Variants in BACE2 observed in about 807,000 individuals in gnomAD.
BACE2 encodes the protein 56 kDa aspartic-like protease.
BACE2 carries 17 observed loss-of-function variants against 46.2 expected under a neutral mutation model. The observed-to-expected ratio is 0.37, with a 90% confidence interval of 0.25 to 0.55. The LOEUF is 0.55. BACE2 is among the 20% of genes least tolerant of loss of function. BACE2 has a pLI of 0.82. For missense variants in BACE2, 595 were observed against 698.1 expected, an observed-to-expected ratio of 0.85 and a Z score of 1.66; for synonymous variants, 277 against 295.9, an observed-to-expected ratio of 0.94 and a Z score of 0.66.
chr21:41,179,131 T>TGG, intron 1 of BACE2: 2 of 1,133,586 alleles, frequency 1.8e-6, no homozygotes, highest in Non-Finnish European at 2.2e-6. Flanking sequence ...GGAGTGAGGG[T>TGG]GTCAGGGTGA....
chr21:41,191,954 A>G (rs1029606874), intron 1 of BACE2, among the ~76,000 whole-genome samples: 7 of 152,096 alleles, frequency 4.6e-5, no homozygotes, highest in Non-Finnish European at 7.3e-5. Flanking sequence ...CAATTTTCCA[A>G]TCATGCTTCT....
rs370975038 is a variant in BACE2, at chr21:41,246,092, C to T, written c.984+29C>T. On this transcript the variant is annotated intron_variant, in intron 6 of 8. Transcript: ENST00000330333. ...AGTCCTCGGGACACTCACGGGTCCCCGAGTTGCTGAGTTACAGTCACCTGC... is the reference window on the plus strand; with the variant it reads ...AGTCCTCGGGACACTCACGGGTCCCTGAGTTGCTGAGTTACAGTCACCTGC... 1.6e-4 allele frequency: 243 copies of T among 1,549,342 alleles called. 2 individuals are homozygous for T. In the African/African-American group the frequency reaches 2.2e-3, roughly 14 times the overall value.
intron 1 of BACE2, among the ~76,000 whole-genome samples, chr21:41,190,617 T>A (rs1232864853): frequency 6.6e-6 from 1 of 152,198 alleles, no homozygotes; most frequent in Admixed American, 6.5e-5. Flanking sequence ...CCTTGGCAGG[T>A]TGTGATTTTT....
At chr21:41,229,241 C>G (rs933279578) in intron 2 of BACE2, among the ~76,000 whole-genome samples, 6 of 152,212 alleles carry the variant, frequency 3.9e-5, no homozygotes, top group Non-Finnish European at 7.3e-5. Context: ...CACTGGGGCT[C>G]AGCACACAGG....
At chr21:41,184,858 A>G (rs1040030127) in intron 1 of BACE2, 8 of 167,012 alleles carry the variant, frequency 4.8e-5, no homozygotes, top group African/African-American at 1.9e-4. Flanking sequence ...GCCTGTACAT[A>G]AGGGATCTCT....
intron 1 of BACE2, 127 bp downstream of exon 1, chr21:41,168,702 G>T: frequency 1.7e-4 from 70 of 419,954 alleles, no homozygotes; most frequent in Middle Eastern, 8.6e-4. Context: ...GAAGAGCGGG[G>T]AACGCAGAGG....
chr21:41,180,511 C>T (rs1002086630), intron 1 of BACE2: 2 of 167,270 alleles, frequency 1.2e-5, no homozygotes, highest in Non-Finnish European at 2.9e-5. Context: ...TTTCATTCTC[C>T]GTGTCAGTGG....
In BACE2 at chr21:41,168,436, A is replaced by C; in HGVS notation, c.173A>C (p.Asp58Ala). The C allele has an allele frequency of 2.9e-6, 4 of 1,393,358 alleles. No homozygotes were observed. Among genetic ancestry groups the C allele is most frequent in the Non-Finnish European group, 3.7e-6 (4 of 1,071,576 alleles). The allele number at this position is 1,393,358 out of a possible 1,614,324, so 86.3% of individuals were successfully genotyped here. Reference protein sequence around the residue: ...GPGTPAERHADGLALALEPAL... With the variant: ...GPGTPAERHAAGLALALEPAL... ...GGGACCCCTGCCGAGCGCCACGCCG[A>C]CGGCTTGGCGCTCGCCCTGGAGCCT... Residue 58 changes from aspartate to alanine, a missense_variant, in exon 1 of 9, where the codon GAC becomes GCC. Around this residue, in one of 3 missense-constraint regions of BACE2, gnomAD observed 248 missense variants for 261.4 expected, o/e 0.95. Coordinates refer to ENST00000330333, the MANE Select transcript of BACE2 (RefSeq NM_012105.5).
At chr21:41,207,741 G>A (rs1986174146) in intron 1 of BACE2, among the ~76,000 whole-genome samples, 1 of 152,220 alleles carries the variant, frequency 6.6e-6, no homozygotes, top group Non-Finnish European at 1.5e-5. Flanking sequence ...CTGGCCTCCA[G>A]CCCACATCTG....
chr21:41,194,503 C>G (rs1985676160), intron 1 of BACE2, among the ~76,000 whole-genome samples: 2 of 152,168 alleles, frequency 1.3e-5, no homozygotes, highest in African/African-American at 4.8e-5. Flanking sequence ...TCCTGGGGGA[C>G]TTTAGGGAAA....
At chr21:41,171,159 T>G (rs1984594756) in intron 1 of BACE2, among the ~76,000 whole-genome samples, 1 of 152,196 alleles carries the variant, frequency 6.6e-6, no homozygotes. Context: ...CACCCCAAGG[T>G]GTTAGGGACT....
At chr21:41,199,900 A>C (rs1387137848) in intron 1 of BACE2, among the ~76,000 whole-genome samples, 1 of 152,034 alleles carries the variant, frequency 6.6e-6, no homozygotes, top group African/African-American at 2.4e-5. Context: ...GAGTGAGAAC[A>C]TGCGGTGTTT....
intron 8 of BACE2, among the ~76,000 whole-genome samples, chr21:41,268,648 TG>T: frequency 6.6e-6 from 1 of 152,200 alleles, no homozygotes; most frequent in Non-Finnish European, 1.5e-5. Context: ...GAGGCTGAGG[TG>T]GTGGGAGGAT....
chr21:41,230,811 A>T (rs1383683261), intron 2 of BACE2, among the ~76,000 whole-genome samples: 1 of 152,140 alleles, frequency 6.6e-6, no homozygotes, highest in Non-Finnish European at 1.5e-5. Context: ...TGTTCCAATG[A>T]GTTACTATAG....
At chr21:41,172,962 G>T (rs369590245) in intron 1 of BACE2, among the ~76,000 whole-genome samples, 1 of 152,190 alleles carries the variant, frequency 6.6e-6, no homozygotes, top group South Asian at 2.1e-4. Context: ...ACCCTTGGCC[G>T]CATGACTCCA....
intron 2 of BACE2, among the ~76,000 whole-genome samples, chr21:41,236,291 C>T (rs1568880311): frequency 2.0e-5 from 3 of 152,188 alleles, no homozygotes; most frequent in Admixed American, 6.5e-5. Flanking sequence ...TGTCTTCATT[C>T]AGGTCTCATG....
intron 6 of BACE2, 143 bp from the exon 7 acceptor site, chr21:41,250,609 G>T: frequency 1.4e-6 from 1 of 704,694 alleles, no homozygotes; most frequent in Middle Eastern, 4.1e-4. Flanking sequence ...TCTTCCAGGG[G>T]ACTAATGTCC....
At position 41,276,981 on chromosome 21, in the gene BACE2, C is replaced by T. The variant is rs910199428; in HGVS notation, c.*1357C>T. The T allele has an allele frequency of 2.0e-5, 3 of 152,088 alleles. No individual in the cohort carries two copies. Among genetic ancestry groups the T allele is most frequent in the African/African-American group, 7.2e-5 (3 of 41,408 alleles). The allele number at this position is 152,088 out of a possible 1,614,324, so 9.4% of individuals were successfully genotyped here. ...TGCCAAAGAAAAGTGGAAGCCGTTTCCTTGACATAGCCTTATATGACCTGA... is the reference window on the plus strand; with the variant it reads ...TGCCAAAGAAAAGTGGAAGCCGTTTTCTTGACATAGCCTTATATGACCTGA... On this transcript the variant is annotated 3_prime_UTR_variant, in exon 9 of 9. Transcript: ENST00000330333.
At chr21:41,268,250 G>A (rs957818021) in intron 8 of BACE2, among the ~76,000 whole-genome samples, 1 of 152,130 alleles carries the variant, frequency 6.6e-6, no homozygotes, top group Admixed American at 6.6e-5. Flanking sequence ...AAGTAACTTG[G>A]CCCAGATCAC....
Sources: allele counts gnomAD v4.1 joint callset (sites outside exome capture counted in the v4.1 genomes callset), GRCh38; gene constraint gnomAD v4.1.1; regional missense constraint gnomAD v4.1.1; transcripts MANE v1.5; gene names NCBI Gene and HGNC (gene_info 2026-07-23, HGNC 2026-07-21).